Variants in SLC9A2 observed in about 807,000 individuals in gnomAD.
SLC9A2 encodes sodium/hydrogen exchanger 2.
In SLC9A2, 42 loss-of-function variants were observed where a neutral mutation model predicts 71.7. The ratio of observed to expected loss-of-function variants is 0.59; its 90% CI spans 0.46 to 0.76. The LOEUF (loss-of-function observed/expected upper bound fraction) is 0.76. Among genes scored for constraint, SLC9A2 ranks in the 30% least tolerant of loss-of-function variants. The pLI is 0.00. For missense variants in SLC9A2, 829 were observed against 1,017.4 expected (o/e 0.81, Z 2.52); for synonymous variants, 396 against 392.5 (o/e 1.01, Z -0.10).
intron 1 of SLC9A2, among the ~76,000 whole-genome samples, chr2:102,650,305 A>G (rs1676806720): frequency 6.6e-6 from 1 of 152,036 alleles, no homozygotes; most frequent in Non-Finnish European, 1.5e-5. Flanking sequence ...CTTGAACATT[A>G]TACACTGGGG....
intron 6 of SLC9A2, 143 bp from the exon 7 acceptor site, chr2:102,694,900 T>A: frequency 1.5e-6 from 1 of 676,954 alleles, no homozygotes. Flanking sequence ...AAATGAACTG[T>A]TTTATTGCTT....
chr2:102,645,301 C>T (rs1301846509), intron 1 of SLC9A2, among the ~76,000 whole-genome samples: 1 of 152,132 alleles, frequency 6.6e-6, no homozygotes, highest in African/African-American at 2.4e-5. Context: ...CAAAGGCTAT[C>T]AGCATCAAAG....
At chr2:102,651,436 G>A (rs1676833378) in intron 1 of SLC9A2, among the ~76,000 whole-genome samples, 1 of 152,102 alleles carries the variant, frequency 6.6e-6, no homozygotes, top group Non-Finnish European at 1.5e-5. Context: ...TTTGCTCAAG[G>A]TGCTCCCAAC....
In SLC9A2 at chr2:102,640,787, C is replaced by G. The variant is rs539892130; in HGVS notation, c.290-16777C>G. On this transcript the variant is annotated intron_variant, in intron 1 of 11. Coordinates refer to ENST00000233969, the MANE Select transcript of SLC9A2 (RefSeq NM_003048.6). ...ATTTGGGTGATGGAGTTGGAAGTCC[C>G]AAGCCTCTAATCCTGCCTTGGTCTT... Among the ~76,000 whole-genome samples, 8 of 152,278 alleles carry G rather than the reference C, an allele frequency of 5.3e-5. No homozygotes were observed. The South Asian group carries it at 6.2e-4, about 12-fold the overall frequency.
At chr2:102,677,807 A>G (rs550829341) in intron 3 of SLC9A2, among the ~76,000 whole-genome samples, 1 of 152,272 alleles carries the variant, frequency 6.6e-6, no homozygotes, top group South Asian at 2.1e-4. Context: ...TTTTCTCTCC[A>G]GCCTATAAAG....
At chr2:102,625,470 C>T (rs1049292855) in intron 1 of SLC9A2, among the ~76,000 whole-genome samples, 1 of 140,378 alleles carries the variant, frequency 7.1e-6, no homozygotes, top group East Asian at 2.4e-4. Flanking sequence ...TACCTCCCCC[C>T]TCCCCCCACC....
Position 102,672,396 on chromosome 2 carries a change from T to G in SLC9A2, c.1004+7046T>G, listed in dbSNP as rs137991994. On this transcript the variant is annotated intron_variant, in intron 3 of 11. Coordinates refer to ENST00000233969, the MANE Select transcript of SLC9A2 (RefSeq NM_003048.6). ...AGTGCTCACCACTAGTGTTTTCTAC[T>G]TGGATATTTGAAGACTTGGTGACAT... 3.0e-3 allele frequency among the ~76,000 whole-genome samples: 459 copies of G among 152,256 alleles called. 3 individuals are homozygous for G. The highest frequency in any genetic ancestry group is 0.01 in the African/African-American group (436 of 41,544).
At chr2:102,637,688 G>A (rs374038706) in intron 1 of SLC9A2, among the ~76,000 whole-genome samples, 6 of 152,160 alleles carry the variant, frequency 3.9e-5, no homozygotes, top group African/African-American at 1.4e-4. Flanking sequence ...TCACCCCATT[G>A]ATAAAAACCA....
At chr2:102,625,930 C>G (rs1400375864) in intron 1 of SLC9A2, among the ~76,000 whole-genome samples, 2 of 152,176 alleles carry the variant, frequency 1.3e-5, no homozygotes, top group Non-Finnish European at 2.9e-5. Flanking sequence ...AGTTTACAGT[C>G]CCACCAACAG....
chr2:102,690,893 TTCTC>T (rs1012710217), intron 5 of SLC9A2, among the ~76,000 whole-genome samples: 1 of 151,936 alleles, frequency 6.6e-6, no homozygotes, highest in Non-Finnish European at 1.5e-5. Context: ...AAATATAAGT[TTCTC>T]TCTCCCACAT....
intron 11 of SLC9A2, among the ~76,000 whole-genome samples, chr2:102,706,457 G>A (rs1169238862): frequency 6.6e-6 from 1 of 152,082 alleles, no homozygotes; most frequent in Non-Finnish European, 1.5e-5. Context: ...GATAGCATTA[G>A]GAGATATACC....
intron 5 of SLC9A2, among the ~76,000 whole-genome samples, chr2:102,693,249 A>T (rs1242049066): frequency 1.3e-5 from 2 of 151,984 alleles, no homozygotes; most frequent in African/African-American, 4.8e-5. Flanking sequence ...TAGGACAAAA[A>T]CTCAATCATC....
chr2:102,674,360 G>A (rs1330189681), intron 3 of SLC9A2, among the ~76,000 whole-genome samples: 1 of 152,166 alleles, frequency 6.6e-6, no homozygotes, highest in Non-Finnish European at 1.5e-5. Context: ...CTGGACAGGG[G>A]AGGACAATGG....
At chr2:102,632,104 A>G (rs1464258595) in intron 1 of SLC9A2, among the ~76,000 whole-genome samples, 1 of 122,600 alleles carries the variant, frequency 8.2e-6, no homozygotes, top group African/African-American at 3.3e-5. Flanking sequence ...ATATATATAC[A>G]TATATATGTA....
At chr2:102,656,081 T>C (rs374038923) in intron 1 of SLC9A2, among the ~76,000 whole-genome samples, 2 of 152,360 alleles carry the variant, frequency 1.3e-5, no homozygotes, top group African/African-American at 2.4e-5. Flanking sequence ...CATTCTCATA[T>C]TCTGCTTTAG....
chr2:102,674,700 G>A (rs1344354591), intron 3 of SLC9A2, among the ~76,000 whole-genome samples: 1 of 152,208 alleles, frequency 6.6e-6, no homozygotes, highest in African/African-American at 2.4e-5. Context: ...CTCAAACCAG[G>A]TTAAGTCAGA....
chr2:102,699,885 TG>T (rs1677841654), intron 7 of SLC9A2, among the ~76,000 whole-genome samples: 1 of 152,158 alleles, frequency 6.6e-6, no homozygotes, highest in Admixed American at 6.5e-5. Flanking sequence ...CTGTATGTTT[TG>T]GAATCCAAAC....
chr2:102,644,593 T>C (rs1042134654), intron 1 of SLC9A2, among the ~76,000 whole-genome samples: 6 of 151,780 alleles, frequency 4.0e-5, no homozygotes, highest in African/African-American at 1.2e-4. Flanking sequence ...AGCACAGGAG[T>C]CTAAAGTTGA....
In SLC9A2 at chr2:102,622,979, A is replaced by G. The variant is rs369877471; in HGVS notation, c.289+2842A>G. 1.6e-3 allele frequency among the ~76,000 whole-genome samples: 239 copies of G among 152,240 alleles called. 1 individual carries two copies. Among genetic ancestry groups the G allele is most frequent in the African/African-American group, 5.4e-3 (224 of 41,536 alleles). On this transcript the variant is annotated intron_variant, in intron 1 of 11. Transcript: ENST00000233969. ...CCTGTTCCATTCATTTTATTGGACC[A>G]TCTCACTTTCATTATGTGGTATTTT... is the stretch of plus-strand genomic sequence containing the variant.
Sources: gnomAD v4.1 joint callset for allele counts (sites outside exome capture counted in the v4.1 genomes callset) on GRCh38, gnomAD v4.1.1 for gene constraint, MANE v1.5 for transcripts, NCBI Gene and HGNC (gene_info 2026-07-23, HGNC 2026-07-21) for gene names.